The following NPAS3 variants were observed in gnomAD, a reference collection of about 807,000 sequenced individuals.
NPAS3 encodes the protein neuronal PAS domain-containing protein 3.
Under a neutral mutation model 73.1 loss-of-function variants are expected in NPAS3, and 14 were observed. That is an observed-to-expected ratio of 0.19 (90% CI 0.13 to 0.30). The LOEUF (loss-of-function observed/expected upper bound fraction) is 0.30, where lower values mean the gene tolerates loss of function less well. Ranked by LOEUF, NPAS3 falls within the 10% of genes least tolerant of loss-of-function variation. NPAS3 has a pLI of 1.00. For synonymous variants in NPAS3, 620 were observed against 541.5 expected (o/e 1.14, Z -2.01); for missense variants, 1,096 against 1,250.0 (o/e 0.88, Z 1.86).
chr14:33,481,259 C>CGTCTCTG (rs1566939842), intron 4 of NPAS3, among the ~76,000 whole-genome samples: 10 of 152,166 alleles, frequency 6.6e-5, no homozygotes, highest in Non-Finnish European at 1.3e-4. Context: ...TTCTTAGTAA[C>CGTCTCTG]TTGTCTCTGT....
At chr14:33,570,273 T>A (rs2056148191) in intron 5 of NPAS3, among the ~76,000 whole-genome samples, 1 of 152,208 alleles carries the variant, frequency 6.6e-6, no homozygotes, top group East Asian at 1.9e-4. Context: ...GGTTGCCAAG[T>A]GCAATGGGAA....
chr14:33,591,821 T>C (rs1212037748), intron 5 of NPAS3, among the ~76,000 whole-genome samples: 1 of 152,166 alleles, frequency 6.6e-6, no homozygotes, highest in African/African-American at 2.4e-5. Context: ...CTTGGAAATA[T>C]GTGACTGCCA....
intron 6 of NPAS3, among the ~76,000 whole-genome samples, chr14:33,711,082 T>C (rs1477493158): frequency 6.6e-6 from 1 of 152,174 alleles, no homozygotes; most frequent in Admixed American, 6.5e-5. Flanking sequence ...ACTATTAGTA[T>C]TTTTCTTTTT....
At chr14:33,641,754 A>C (rs1011417800) in intron 5 of NPAS3, among the ~76,000 whole-genome samples, 4 of 152,012 alleles carry the variant, frequency 2.6e-5, no homozygotes, top group African/African-American at 4.8e-5. Flanking sequence ...CCTTTCATGA[A>C]AAATATATTA....
chr14:33,352,496 G>C (rs1040824900), intron 3 of NPAS3, among the ~76,000 whole-genome samples: 3 of 152,184 alleles, frequency 2.0e-5, no homozygotes, highest in African/African-American at 7.2e-5. Flanking sequence ...TTTGGACTGG[G>C]TATTATTATC....
chr14:33,464,777 C>T (rs932400781), intron 4 of NPAS3, among the ~76,000 whole-genome samples: 11 of 152,180 alleles, frequency 7.2e-5, no homozygotes, highest in Non-Finnish European at 1.0e-4. Flanking sequence ...TTTGTACCTT[C>T]CTGTATGATG....
At chr14:33,151,996 C>G (rs1197201890) in intron 2 of NPAS3, among the ~76,000 whole-genome samples, 1 of 152,062 alleles carries the variant, frequency 6.6e-6, no homozygotes, top group Non-Finnish European at 1.5e-5. Context: ...TTTTCTCCTT[C>G]ACTCTATAGT....
chr14:33,445,265 CATTTT>C (rs1369139865), intron 4 of NPAS3, among the ~76,000 whole-genome samples: 1 of 152,132 alleles, frequency 6.6e-6, no homozygotes, highest in African/African-American at 2.4e-5. Flanking sequence ...TATTTAAGTT[CATTTT>C]GTTTTATTGT....
At chr14:33,668,377 T>C (rs1042152799) in intron 5 of NPAS3, among the ~76,000 whole-genome samples, 2 of 152,244 alleles carry the variant, frequency 1.3e-5, no homozygotes, top group African/African-American at 2.4e-5. Context: ...TATGGGTGCA[T>C]TAAGCATATC....
At chr14:33,105,290 T>A (rs2042691063) in intron 2 of NPAS3, among the ~76,000 whole-genome samples, 3 of 152,136 alleles carry the variant, frequency 2.0e-5, no homozygotes, top group Admixed American at 1.3e-4. Flanking sequence ...AAACTTTATC[T>A]TCAAAAAGCC....
At chr14:33,268,530 T>C (rs1176318266) in intron 3 of NPAS3, among the ~76,000 whole-genome samples, 1 of 152,142 alleles carries the variant, frequency 6.6e-6, no homozygotes, top group Non-Finnish European at 1.5e-5. Flanking sequence ...ATTTCTCCTT[T>C]ATTGTATCTC....
chr14:33,083,424 A>C (rs980349441), intron 2 of NPAS3, among the ~76,000 whole-genome samples: 3 of 152,020 alleles, frequency 2.0e-5, no homozygotes, highest in Non-Finnish European at 4.4e-5. Context: ...GTATTCCTGA[A>C]CTGTGGGATA....
chr14:33,117,379 G>A (rs1158926615), intron 2 of NPAS3, among the ~76,000 whole-genome samples: 1 of 152,068 alleles, frequency 6.6e-6, no homozygotes, highest in African/African-American at 2.4e-5. Context: ...TGAGGACTCT[G>A]CCTCTGCTGA....
At chr14:33,526,684 T>C (rs2053815521) in intron 4 of NPAS3, among the ~76,000 whole-genome samples, 1 of 151,632 alleles carries the variant, frequency 6.6e-6, no homozygotes, top group Non-Finnish European at 1.5e-5. Context: ...AAATGCAATA[T>C]AGGAAATAGC....
intron 4 of NPAS3, among the ~76,000 whole-genome samples, chr14:33,470,390 A>G (rs2050728559): frequency 6.6e-6 from 1 of 152,226 alleles, no homozygotes; most frequent in Admixed American, 6.5e-5. Flanking sequence ...ATTTAGGACC[A>G]TCAGTATAAA....
intron 3 of NPAS3, among the ~76,000 whole-genome samples, chr14:33,303,134 A>T (rs1478094799): frequency 6.6e-6 from 1 of 151,868 alleles, no homozygotes; most frequent in Non-Finnish European, 1.5e-5. Context: ...GTCGCCAGAT[A>T]TTTTTTTCCT....
intron 2 of NPAS3, among the ~76,000 whole-genome samples, chr14:33,153,151 G>A (rs2044518752): frequency 1.3e-5 from 2 of 151,736 alleles, no homozygotes; most frequent in South Asian, 4.2e-4. Context: ...TTAATAATAG[G>A]AACATGCTTG....
At chr14:33,380,463 C>A (rs2046498268) in intron 4 of NPAS3, among the ~76,000 whole-genome samples, 1 of 152,140 alleles carries the variant, frequency 6.6e-6, no homozygotes, top group Non-Finnish European at 1.5e-5. Context: ...GTCACCTAGT[C>A]TCCAGCTGTT....
intron 3 of NPAS3, among the ~76,000 whole-genome samples, chr14:33,320,345 G>A (rs979206286): frequency 7.9e-5 from 12 of 152,220 alleles, no homozygotes; most frequent in African/African-American, 2.2e-4. Flanking sequence ...GGGAAGATCA[G>A]GGTTGTTCTT....
Sources: allele counts gnomAD v4.1 joint callset (sites outside exome capture counted in the v4.1 genomes callset), GRCh38; gene constraint gnomAD v4.1.1; transcripts MANE v1.5; gene names NCBI Gene and HGNC (gene_info 2026-07-23, HGNC 2026-07-21).